Variants in DLGAP2 observed in about 807,000 individuals in gnomAD.
DLGAP2 encodes the protein DLG associated protein 2, also known as disks large-associated protein 2.
DLGAP2 carries 26 observed loss-of-function variants against 100.3 expected under a neutral mutation model. That is an observed-to-expected ratio of 0.26 (90% CI 0.19 to 0.36). The LOEUF is 0.36. Ranked by LOEUF, DLGAP2 falls within the 10% of genes least tolerant of loss-of-function variation. DLGAP2 has a pLI of 1.00. For synonymous variants in DLGAP2, 886 were observed against 630.1 expected (o/e 1.41, Z -6.08); for missense variants, 1,858 against 1,453.2 (o/e 1.28, Z -4.53).
At chr8:1,184,301 G>A (rs995169788) in intron 2 of DLGAP2, among the ~76,000 whole-genome samples, 1 of 152,264 alleles carries the variant, frequency 6.6e-6, no homozygotes, top group Non-Finnish European at 1.5e-5. Flanking sequence ...CTTGGTGAAA[G>A]TGTACACAGG....
At chr8:1,623,702 C>T (rs1797416412) in intron 6 of DLGAP2, among the ~76,000 whole-genome samples, 1 of 152,254 alleles carries the variant, frequency 6.6e-6, no homozygotes, top group South Asian at 2.1e-4. Flanking sequence ...GCACAATGAC[C>T]TTGCAGCAAT....
At chr8:1,066,120 G>A (rs1326242945) in intron 2 of DLGAP2, among the ~76,000 whole-genome samples, 2 of 152,078 alleles carry the variant, frequency 1.3e-5, no homozygotes, top group Non-Finnish European at 2.9e-5. Flanking sequence ...TCCCCACCAC[G>A]GTCAGGTCTG....
intron 1 of DLGAP2, chr8:739,454 C>G (rs1290869468): frequency 6.6e-6 from 1 of 152,230 alleles, no homozygotes; most frequent in Non-Finnish European, 1.5e-5. Context: ...CCCCGGGTCG[C>G]GAAGCTGCGC....
At chr8:905,557 G>A (rs17740001) in intron 1 of DLGAP2, among the ~76,000 whole-genome samples, 12,112 of 152,232 alleles carry the variant, frequency 0.08, 681 homozygotes, top group Middle Eastern at 0.12. Flanking sequence ...CCAGGGATGA[G>A]GTCTGAGGTT....
At chr8:1,060,424 T>TGTGGATAGATCCCCTCCCAAGGCGG (rs1563170226) in intron 2 of DLGAP2, among the ~76,000 whole-genome samples, 2 of 151,624 alleles carry the variant, frequency 1.3e-5, no homozygotes, top group African/African-American at 4.8e-5. Context: ...GCTGTGTCCT[T>TGTGGATAGATCCCCTCCCAAGGCGG]GCTGTGTCCT....
chr8:1,447,143 G>A (rs191390023), intron 3 of DLGAP2, among the ~76,000 whole-genome samples: 24 of 152,344 alleles, frequency 1.6e-4, no homozygotes, highest in Admixed American at 1.4e-3. Context: ...AATAGGAGTG[G>A]TGAGAGAGGG....
intron 6 of DLGAP2, among the ~76,000 whole-genome samples, chr8:1,608,954 G>A (rs994525054): frequency 6.6e-6 from 1 of 151,978 alleles, no homozygotes; most frequent in Non-Finnish European, 1.5e-5. Flanking sequence ...GAACCAAGTT[G>A]GAAAACACTC....
At chr8:1,468,750 A>C (rs534480511) in intron 3 of DLGAP2, among the ~76,000 whole-genome samples, 1 of 152,152 alleles carries the variant, frequency 6.6e-6, no homozygotes, top group East Asian at 1.9e-4. Flanking sequence ...CAGAAGACCA[A>C]AGCTGAGGCA....
intron 3 of DLGAP2, among the ~76,000 whole-genome samples, chr8:1,457,258 A>C (rs1798341081): frequency 6.6e-6 from 1 of 152,146 alleles, no homozygotes; most frequent in Non-Finnish European, 1.5e-5. Context: ...GTTGTTCTCA[A>C]GTTATAGTCA....
chr8:1,572,686 G>A (rs1261821554), intron 6 of DLGAP2, among the ~76,000 whole-genome samples: 2 of 119,942 alleles, frequency 1.7e-5, no homozygotes, highest in African/African-American at 6.6e-5. Context: ...GGAGAGGAGA[G>A]AGGGTGGACT....
chr8:765,642 A>G (rs921544554), intron 1 of DLGAP2, among the ~76,000 whole-genome samples: 1 of 152,194 alleles, frequency 6.6e-6, no homozygotes, highest in Admixed American at 6.5e-5. Flanking sequence ...TTTTTGTATA[A>G]TATAAACAAG....
intron 2 of DLGAP2, among the ~76,000 whole-genome samples, chr8:1,172,441 A>G (rs894442842): frequency 1.3e-5 from 2 of 151,806 alleles, no homozygotes; most frequent in African/African-American, 4.8e-5. Flanking sequence ...GCCTTGCTAG[A>G]TTGGGGAAGT....
intron 12 of DLGAP2, among the ~76,000 whole-genome samples, chr8:1,681,355 G>A (rs1798939853): frequency 6.6e-6 from 1 of 151,976 alleles, no homozygotes; most frequent in Non-Finnish European, 1.5e-5. Context: ...ATCCTCAGCT[G>A]GGCACAGTGG....
intron 6 of DLGAP2, among the ~76,000 whole-genome samples, chr8:1,587,813 G>C (rs1478879834): frequency 6.6e-6 from 1 of 152,082 alleles, no homozygotes; most frequent in Non-Finnish European, 1.5e-5. Context: ...GTTCGGTTGA[G>C]AGACATAAAT....
chr8:1,419,067 G>A (rs1315289511), intron 3 of DLGAP2, among the ~76,000 whole-genome samples: 16 of 152,364 alleles, frequency 1.1e-4, no homozygotes, highest in Non-Finnish European at 1.9e-4. Context: ...TCTGGGCACC[G>A]CCTCCCTGTG....
At position 1,212,286 on chromosome 8, in the gene DLGAP2, C is replaced by T. The variant is rs562309727; in HGVS notation, c.74-46565C>T. Among the ~76,000 whole-genome samples, 3 of 152,342 alleles carry T rather than the reference C, an allele frequency of 2.0e-5. No individual in the cohort carries two copies. In the East Asian group the frequency reaches 5.8e-4, roughly 29 times the overall value. On this transcript the variant is annotated intron_variant, in intron 2 of 14. Coordinates refer to ENST00000637795, the MANE Select transcript of DLGAP2 (RefSeq NM_001346810.2). ...AAAGAAGGGATTGGACTTGGAGCTG[C>T]TTTCAGTTCTAAGGGAAGAAAACAT...
chr8:1,188,231 T>C (rs1330182456), intron 2 of DLGAP2, among the ~76,000 whole-genome samples: 199 of 49,574 alleles, frequency 4.0e-3, no homozygotes, highest in African/African-American at 7.3e-3. Flanking sequence ...CGCCCGGGAC[T>C]TCCGTGACGT....
chr8:1,415,135 T>TACACACATGCGTACAAACAGGC (rs1796843894), intron 3 of DLGAP2, among the ~76,000 whole-genome samples: 2 of 152,214 alleles, frequency 1.3e-5, no homozygotes, highest in Non-Finnish European at 2.9e-5. Flanking sequence ...TACAAACAGG[T>TACACACATGCGTACAAACAGGC]ACACACATGC....
chr8:997,831 C>T (rs377634161), intron 2 of DLGAP2, among the ~76,000 whole-genome samples: 6 of 152,070 alleles, frequency 3.9e-5, no homozygotes, highest in African/African-American at 7.2e-5. Flanking sequence ...CATACAAACA[C>T]GCATACACGT....
Sources: allele counts gnomAD v4.1 joint callset (sites outside exome capture counted in the v4.1 genomes callset), GRCh38; gene constraint gnomAD v4.1.1; transcripts MANE v1.5; gene names NCBI Gene and HGNC (gene_info 2026-07-23, HGNC 2026-07-21).